TPTE: variants seen among roughly 807,000 people sequenced by gnomAD.
TPTE encodes the protein putative tyrosine-protein phosphatase TPTE.
A neutral mutation model predicts 84.1 loss-of-function variants in TPTE; 59 were observed. The ratio of observed to expected loss-of-function variants is 0.70; its 90% confidence interval spans 0.57 to 0.87. TPTE has a LOEUF of 0.87. Among genes scored for constraint, TPTE ranks in the 40% least tolerant of loss-of-function variants. TPTE has a pLI of 0.00. For synonymous variants in TPTE, 130 were observed against 223.5 expected (o/e 0.58, Z 3.73); for missense variants, 382 against 659.6 (o/e 0.58, Z 4.61).
chr21:10,592,995 T>C (rs303299), intron 19 of TPTE, among the ~76,000 whole-genome samples: 19,910 of 128,852 alleles, frequency 0.15, 17 homozygotes, highest in African/African-American at 0.41. Context: ...CTCTGTTTTT[T>C]CTTTTAGAAA....
intron 17 of TPTE, among the ~76,000 whole-genome samples, chr21:10,587,090 T>A (rs1260119276): frequency 6.6e-6 from 1 of 152,308 alleles, no homozygotes; most frequent in African/African-American, 2.4e-5. Context: ...TTGTAAGGTG[T>A]GTCTTCTTTA....
chr21:10,545,855 T>C (rs1351234822), intron 7 of TPTE, among the ~76,000 whole-genome samples: 1 of 151,858 alleles, frequency 6.6e-6, no homozygotes, highest in African/African-American at 2.4e-5. Flanking sequence ...ATATATTCTT[T>C]AGCACTAACC....
intron 14 of TPTE, among the ~76,000 whole-genome samples, chr21:10,573,739 C>T (rs1380948396): frequency 6.6e-6 from 1 of 152,306 alleles, no homozygotes; most frequent in Non-Finnish European, 1.5e-5. Context: ...ATGAAGGAAA[C>T]AGATTTTTTA....
At chr21:10,567,228 A>G (rs1487704205) in intron 10 of TPTE, among the ~76,000 whole-genome samples, 1 of 152,304 alleles carries the variant, frequency 6.6e-6, no homozygotes, top group Non-Finnish European at 1.5e-5. Flanking sequence ...GGGTACAAAA[A>G]AATAGAATGA....
chr21:10,557,208 T>C (rs1412643095), intron 8 of TPTE, among the ~76,000 whole-genome samples: 1 of 152,312 alleles, frequency 6.6e-6, no homozygotes. Flanking sequence ...TGCTTCATGT[T>C]GGAGTGTCTG....
At chr21:10,552,826 A>G (rs2145650665) in intron 8 of TPTE, 110 bp downstream of exon 8, 1 of 1,582,808 alleles carries the variant, frequency 6.3e-7, no homozygotes, top group South Asian at 1.1e-5. Context: ...ATGGAAAGAT[A>G]TCAAAATGTA....
chr21:10,576,626 A>T (rs1383727074), intron 14 of TPTE: 6 of 152,596 alleles, frequency 3.9e-5, no homozygotes, highest in African/African-American at 1.4e-4. Flanking sequence ...TATTTTTCTC[A>T]ATATTAAGCC....
intron 1 of TPTE, among the ~76,000 whole-genome samples, chr21:10,522,081 G>T (rs1344178051): frequency 2.0e-5 from 3 of 151,820 alleles, no homozygotes; most frequent in Admixed American, 2.0e-4. Flanking sequence ...GCCAGCCGGG[G>T]CGCCCGCCCG....
At chr21:10,573,861 G>C (rs1469342656) in intron 14 of TPTE, among the ~76,000 whole-genome samples, 1 of 152,296 alleles carries the variant, frequency 6.6e-6, no homozygotes. Flanking sequence ...AGAGTCCGAG[G>C]AGCGGCAACA....
intron 2 of TPTE, among the ~76,000 whole-genome samples, chr21:10,525,822 A>G (rs1376176909): frequency 6.6e-6 from 1 of 152,312 alleles, no homozygotes; most frequent in Non-Finnish European, 1.5e-5. Context: ...GACTTCATGC[A>G]GTACTCTCCC....
At chr21:10,540,109 T>G (rs1254336795) in intron 4 of TPTE, among the ~76,000 whole-genome samples, 1 of 152,312 alleles carries the variant, frequency 6.6e-6, no homozygotes, top group Non-Finnish European at 1.5e-5. Flanking sequence ...AAGTTACATG[T>G]TGTCTTAGTA....
At chr21:10,529,963 T>C (rs1218107546) in intron 3 of TPTE, among the ~76,000 whole-genome samples, 1 of 152,294 alleles carries the variant, frequency 6.6e-6, no homozygotes, top group Non-Finnish European at 1.5e-5. Context: ...AGTATCATTC[T>C]ATTATAAGGA....
intron 8 of TPTE, among the ~76,000 whole-genome samples, chr21:10,553,888 AAAT>A (rs1186280593): frequency 5.9e-5 from 9 of 152,310 alleles, no homozygotes; most frequent in African/African-American, 2.2e-4. Flanking sequence ...AATAAAATGA[AAAT>A]AACATGCAAA....
At chr21:10,582,410 A>G (rs2075287333) in intron 17 of TPTE, among the ~76,000 whole-genome samples, 1 of 152,312 alleles carries the variant, frequency 6.6e-6, no homozygotes, top group Non-Finnish European at 1.5e-5. Flanking sequence ...TGATAAAGGC[A>G]TAATTGTCTT....
intron 8 of TPTE, among the ~76,000 whole-genome samples, chr21:10,553,397 C>T (rs1356477823): frequency 6.6e-6 from 1 of 152,304 alleles, no homozygotes; most frequent in African/African-American, 2.4e-5. Flanking sequence ...GTTAACTCAC[C>T]ATGGTTGTAA....
chr21:10,581,786 G>T (rs1230977066), intron 17 of TPTE, among the ~76,000 whole-genome samples: 1 of 152,302 alleles, frequency 6.6e-6, no homozygotes, highest in African/African-American at 2.4e-5. Context: ...AGGCTGGAGT[G>T]CAGTGGCACA....
At chr21:10,561,887 ACTC>A (rs765403359) in intron 10 of TPTE, among the ~76,000 whole-genome samples, 57 of 152,288 alleles carry the variant, frequency 3.7e-4, no homozygotes, top group Non-Finnish European at 7.8e-4. Context: ...CCTTCAGTAA[ACTC>A]CTGCAATAGC....
intron 14 of TPTE, among the ~76,000 whole-genome samples, chr21:10,574,474 C>A (rs1163438864): frequency 6.6e-6 from 1 of 152,306 alleles, no homozygotes; most frequent in African/African-American, 2.4e-5. Flanking sequence ...AGAACTAGGG[C>A]TAAAAAAGAA....
intron 22 of TPTE, chr21:10,602,832 A>G (rs1978734115): frequency 1.9e-6 from 1 of 517,930 alleles, no homozygotes; most frequent in African/African-American, 1.9e-5. Context: ...CAATAGCGAG[A>G]GAGAGGGAGG....
Sources: allele counts gnomAD v4.1 joint callset (sites outside exome capture counted in the v4.1 genomes callset), GRCh38; gene constraint gnomAD v4.1.1; transcripts MANE v1.5; gene names NCBI Gene and HGNC (gene_info 2026-07-23, HGNC 2026-07-21).